The following SETBP1 variants were observed in gnomAD, a reference collection of about 807,000 sequenced individuals.
SETBP1 encodes the protein SET binding protein 1, also known as SET-binding protein.
SETBP1 carries 9 observed loss-of-function variants against 101.0 expected under a neutral mutation model. The ratio of observed to expected loss-of-function variants is 0.09; its 90% confidence interval spans 0.05 to 0.16. The LOEUF (loss-of-function observed/expected upper bound fraction) is 0.16, where lower values mean the gene tolerates loss of function less well. SETBP1 is among the 10% of genes least tolerant of loss of function. SETBP1 has a pLI of 1.00. For missense variants in SETBP1, 1,858 were observed against 2,033.8 expected, an observed-to-expected ratio of 0.91 and a Z score of 1.66; for synonymous variants, 818 against 788.5, an observed-to-expected ratio of 1.04 and a Z score of -0.63.
intron 2 of SETBP1, among the ~76,000 whole-genome samples, chr18:44,786,594 G>C (rs971658525): frequency 5.9e-5 from 9 of 152,310 alleles, no homozygotes; most frequent in Middle Eastern, 3.4e-3. Flanking sequence ...GGAAGGGAAA[G>C]ATTCCATGTA....
intron 3 of SETBP1, chr18:44,876,696 C>T (rs766522234): frequency 6.0e-6 from 9 of 1,504,350 alleles, no homozygotes; most frequent in African/African-American, 3.3e-5. Context: ...CCGCAAAACC[C>T]GGTTCTCTCA....
intron 4 of SETBP1, among the ~76,000 whole-genome samples, chr18:45,016,332 A>C (rs1192662527): frequency 6.6e-6 from 1 of 152,176 alleles, no homozygotes; most frequent in Non-Finnish European, 1.5e-5. Context: ...TGAGAAACCC[A>C]GGGAAGAGAG....
chr18:44,889,933 C>G (rs946485097), intron 3 of SETBP1, among the ~76,000 whole-genome samples: 1 of 152,076 alleles, frequency 6.6e-6, no homozygotes, highest in Admixed American at 6.6e-5. Flanking sequence ...ATTCAGTCAG[C>G]ATTTTTGTTT....
intron 2 of SETBP1, among the ~76,000 whole-genome samples, chr18:44,814,963 A>C (rs986683371): frequency 9.9e-5 from 15 of 152,118 alleles, no homozygotes; most frequent in Non-Finnish European, 2.1e-4. Flanking sequence ...ATCTCATAAC[A>C]TTGGCTATGT....
chr18:44,876,380 C>T (rs1461429001), intron 3 of SETBP1, among the ~76,000 whole-genome samples: 1 of 152,164 alleles, frequency 6.6e-6, no homozygotes, highest in Non-Finnish European at 1.5e-5. Flanking sequence ...TGGAACGAGA[C>T]ACTAGAGACC....
intron 1 of SETBP1, among the ~76,000 whole-genome samples, chr18:44,681,957 C>T (rs924144431): frequency 6.6e-5 from 10 of 152,162 alleles, no homozygotes; most frequent in African/African-American, 2.4e-4. Flanking sequence ...CTACACTCCC[C>T]CCACCTCCTG....
At chr18:44,819,649 G>T (rs2072062068) in intron 2 of SETBP1, among the ~76,000 whole-genome samples, 1 of 152,098 alleles carries the variant, frequency 6.6e-6, no homozygotes, top group South Asian at 2.1e-4. Flanking sequence ...CCCTGTGACT[G>T]CATATTTAGC....
At chr18:44,695,035 A>G (rs2068992452) in intron 1 of SETBP1, among the ~76,000 whole-genome samples, 1 of 152,206 alleles carries the variant, frequency 6.6e-6, no homozygotes. Flanking sequence ...CAGAATTAAA[A>G]AAAAATCCAC....
rs72909583 is a variant in SETBP1 at position 44,891,547 on chromosome 18, G to T, written c.540+22264G>T. Among the ~76,000 whole-genome samples the T allele has an allele frequency of 2.3e-3, 357 of 152,194 alleles. 1 individual carries two copies. Among genetic ancestry groups the T allele is most frequent in the Non-Finnish European group, 3.9e-3 (263 of 68,002 alleles). On this transcript the variant is annotated intron_variant, in intron 3 of 5. Transcript: ENST00000649279. ...ATAATGGGGCTTTGCACCAGCCACA[G>T]CTTCTAAAGTCATCATGGGTGAGTC...
At chr18:44,854,703 C>T (rs2144603808) in intron 2 of SETBP1, among the ~76,000 whole-genome samples, 1 of 152,358 alleles carries the variant, frequency 6.6e-6, no homozygotes, top group East Asian at 1.9e-4. Context: ...TCAGCAAATA[C>T]TGGGGGCTGT....
chr18:44,683,070 G>T (rs968376001), intron 1 of SETBP1, among the ~76,000 whole-genome samples: 4 of 152,136 alleles, frequency 2.6e-5, no homozygotes, highest in Admixed American at 2.6e-4. Context: ...CAGTAGTGTC[G>T]GTTAAGAAGG....
intron 4 of SETBP1, among the ~76,000 whole-genome samples, chr18:44,985,300 A>C (rs2072208121): frequency 6.6e-6 from 1 of 152,234 alleles, no homozygotes; most frequent in Non-Finnish European, 1.5e-5. Context: ...GCAGTGCCTC[A>C]GAGCTAAGCA....
intron 2 of SETBP1, among the ~76,000 whole-genome samples, chr18:44,781,380 A>G (rs1202307419): frequency 2.0e-5 from 3 of 151,742 alleles, no homozygotes; most frequent in Non-Finnish European, 4.4e-5. Flanking sequence ...AACTCCCACC[A>G]TGATATTTTT....
chr18:44,998,863 C>A (rs904114692), intron 4 of SETBP1, among the ~76,000 whole-genome samples: 1 of 152,218 alleles, frequency 6.6e-6, no homozygotes, highest in Non-Finnish European at 1.5e-5. Context: ...ACTTGTTACT[C>A]TACCATTTTG....
chr18:44,989,611 C>G (rs1011711586), intron 4 of SETBP1, among the ~76,000 whole-genome samples: 2 of 151,670 alleles, frequency 1.3e-5, no homozygotes, highest in African/African-American at 4.8e-5. Flanking sequence ...AAATTCCAAA[C>G]AGGATTAAAA....
rs561205444 is a variant in SETBP1, at chr18:44,690,702, C to T, written c.-173+9681C>T. On this transcript the variant is annotated intron_variant, in intron 1 of 5. Transcript: ENST00000649279. ...AATCCCTCAACTTTAATTTTCTTAT[C>T]TGTAAAATGGATGTGTCTCTGGGTT... Among the ~76,000 whole-genome samples the T allele has an allele frequency of 3.3e-5, 5 of 152,290 alleles. No individual in the cohort carries two copies. In the East Asian group the frequency reaches 9.6e-4, roughly 29 times the overall value.
chr18:44,814,015 C>T (rs756786986), intron 2 of SETBP1, among the ~76,000 whole-genome samples: 8 of 152,000 alleles, frequency 5.3e-5, no homozygotes, highest in South Asian at 2.1e-4. Flanking sequence ...TAAATAAAGA[C>T]GAGGGCCCTT....
At chr18:44,900,566 A>G (rs997473518) in intron 3 of SETBP1, among the ~76,000 whole-genome samples, 1 of 152,310 alleles carries the variant, frequency 6.6e-6, no homozygotes, top group Middle Eastern at 3.4e-3. Context: ...CATAGCTAGT[A>G]CCTTTCTAGA....
At position 44,928,240 on chromosome 18, in the gene SETBP1, C is replaced by T. The variant is rs558118282; in HGVS notation, c.541-21641C>T. ...TGATGGTTTCCAGCTTCATCCATGT[C>T]CCTACAAAGGACATGAACTCATTCT... On this transcript the variant is annotated intron_variant, in intron 3 of 5. Transcript: ENST00000649279. Among the ~76,000 whole-genome samples, 1,390 of 152,310 alleles carry T rather than the reference C, an allele frequency of 9.1e-3. 10 individuals are homozygous for T. The highest frequency in any genetic ancestry group is 0.011 in the Non-Finnish European group (763 of 68,026).
Sources: allele counts gnomAD v4.1 joint callset (sites outside exome capture counted in the v4.1 genomes callset), GRCh38; gene constraint gnomAD v4.1.1; transcripts MANE v1.5; gene names NCBI Gene and HGNC (gene_info 2026-07-23, HGNC 2026-07-21).